ATRNL1: variants seen among roughly 807,000 people sequenced by gnomAD.
The protein encoded by ATRNL1 is attractin-like protein 1.
Under a neutral mutation model 182.7 loss-of-function variants are expected in ATRNL1, and 95 were observed. That is an observed-to-expected ratio of 0.52 (90% CI 0.44 to 0.62). The LOEUF is 0.62. Among genes scored for constraint, ATRNL1 ranks in the 20% least tolerant of loss-of-function variants. The pLI is 0.00. For missense variants in ATRNL1, 1,471 were observed against 1,679.5 expected, an observed-to-expected ratio of 0.88 and a Z score of 2.17; for synonymous variants, 576 against 568.3, an observed-to-expected ratio of 1.01 and a Z score of -0.19.
chr10:115,719,120 T>A (rs556429511), intron 26 of ATRNL1, among the ~76,000 whole-genome samples: 4 of 152,264 alleles, frequency 2.6e-5, no homozygotes, highest in African/African-American at 9.6e-5. Flanking sequence ...AAAACAAAAT[T>A]TTTCCTAGAA....
intron 27 of ATRNL1, among the ~76,000 whole-genome samples, chr10:115,806,887 C>G (rs1949931593): frequency 6.6e-6 from 1 of 152,146 alleles, no homozygotes; most frequent in East Asian, 1.9e-4. Context: ...AAGTACTACA[C>G]AGGCATTAAC....
At chr10:115,832,229 A>C (rs782820096) in intron 27 of ATRNL1, among the ~76,000 whole-genome samples, 8 of 152,196 alleles carry the variant, frequency 5.3e-5, no homozygotes, top group Non-Finnish European at 8.8e-5. Flanking sequence ...TAGCCAAGGT[A>C]AAATAGGGAG....
intron 27 of ATRNL1, among the ~76,000 whole-genome samples, chr10:115,734,189 GA>G (rs34437516): frequency 0.47 from 70,861 of 151,534 alleles, 18,141 homozygotes; most frequent in East Asian, 0.69. Flanking sequence ...CTTACTTTAT[GA>G]AAAAAAACCT....
At chr10:115,780,163 A>C (rs1415550339) in intron 27 of ATRNL1, among the ~76,000 whole-genome samples, 2 of 152,180 alleles carry the variant, frequency 1.3e-5, no homozygotes, top group African/African-American at 2.4e-5. Context: ...GAGGGAGAGC[A>C]CAGTGATTGT....
At chr10:115,888,971 A>G (rs940581388) in intron 28 of ATRNL1, among the ~76,000 whole-genome samples, 7 of 152,220 alleles carry the variant, frequency 4.6e-5, no homozygotes, top group Non-Finnish European at 1.0e-4. Flanking sequence ...AGTCCCCTAC[A>G]TACCCAGGAG....
chr10:115,325,581 G>A (rs930269052), intron 18 of ATRNL1, among the ~76,000 whole-genome samples: 1 of 152,154 alleles, frequency 6.6e-6, no homozygotes, highest in Admixed American at 6.5e-5. Flanking sequence ...TATAGACCAT[G>A]TCAGGCTTCC....
intron 1 of ATRNL1, among the ~76,000 whole-genome samples, chr10:115,109,900 G>A (rs1199493361): frequency 6.6e-6 from 1 of 151,976 alleles, no homozygotes; most frequent in Non-Finnish European, 1.5e-5. Flanking sequence ...TTTAGAGAGT[G>A]GTACAACCAT....
rs576007894 is a variant in ATRNL1, at chr10:115,478,012, A to G, written c.3654+8683A>G. The stretch of plus-strand genomic sequence containing the variant: ...AAGAACACGGGTTCTAAGTCAAACT[A>G]CTACCTCAATTTGAAATTCTTAAAT... On this transcript the variant is annotated intron_variant, in intron 24 of 28. Transcript: ENST00000355044. 3.8e-4 allele frequency among the ~76,000 whole-genome samples: 57 copies of G among 151,808 alleles called. No individual in the cohort carries two copies. The South Asian group carries it at 6.2e-3, about 17-fold the overall frequency.
intron 5 of ATRNL1, among the ~76,000 whole-genome samples, chr10:115,143,977 T>C (rs564647470): frequency 1.3e-5 from 2 of 150,196 alleles, no homozygotes; most frequent in East Asian, 3.9e-4. Flanking sequence ...AGAATTTTTT[T>C]TGTTTCTTTT....
rs371543506 is a variant in ATRNL1, at chr10:115,408,431, T to G, written c.3269+13679T>G. 7.7e-4 allele frequency among the ~76,000 whole-genome samples: 117 copies of G among 152,376 alleles called. 2 individuals carry two copies. The South Asian group carries it at 0.024, about 31-fold the overall frequency. On this transcript the variant is annotated intron_variant, in intron 20 of 28. Transcript: ENST00000355044. ...CCATTTTACAATTAGATCGTTTGTT[T>G]TCTTGCTGTTGCAATGTTTGAGTTC... is the stretch of plus-strand genomic sequence containing the variant.
At chr10:115,276,690 T>C (rs192634237) in intron 13 of ATRNL1, among the ~76,000 whole-genome samples, 333 of 152,332 alleles carry the variant, frequency 2.2e-3, no homozygotes, top group Middle Eastern at 3.4e-3. Flanking sequence ...TCACATATTT[T>C]CATTTACAAT....
intron 21 of ATRNL1, among the ~76,000 whole-genome samples, chr10:115,443,240 C>T (rs924736298): frequency 2.0e-5 from 3 of 151,768 alleles, no homozygotes; most frequent in Admixed American, 1.3e-4. Flanking sequence ...TATAGTGATG[C>T]CATTAATGAC....
intron 9 of ATRNL1, among the ~76,000 whole-genome samples, chr10:115,217,093 AATTT>A (rs1241573089): frequency 6.6e-6 from 1 of 151,902 alleles, no homozygotes; most frequent in Non-Finnish European, 1.5e-5. Flanking sequence ...AATTTAATTT[AATTT>A]ATTTATTTGA....
chr10:115,609,064 A>C (rs560818354), intron 26 of ATRNL1, among the ~76,000 whole-genome samples: 1 of 152,152 alleles, frequency 6.6e-6, no homozygotes, highest in African/African-American at 2.4e-5. Context: ...AAATATTATA[A>C]GTTAAGTTGA....
intron 28 of ATRNL1, among the ~76,000 whole-genome samples, chr10:115,910,655 A>G (rs1001534788): frequency 1.3e-5 from 2 of 152,152 alleles, no homozygotes; most frequent in African/African-American, 4.8e-5. Context: ...GAATTTTCCT[A>G]CAGACTTCTC....
chr10:115,769,717 T>G (rs1948941118), intron 27 of ATRNL1, among the ~76,000 whole-genome samples: 1 of 152,146 alleles, frequency 6.6e-6, no homozygotes. Context: ...TGAATTTAGT[T>G]TCCTTGACAA....
chr10:115,352,959 T>C (rs1328622282), intron 19 of ATRNL1, among the ~76,000 whole-genome samples: 4 of 152,162 alleles, frequency 2.6e-5, no homozygotes, highest in Non-Finnish European at 2.9e-5. Flanking sequence ...TGTAATACTT[T>C]GTTGAGACTA....
chr10:115,123,676 C>T (rs1421183467), intron 3 of ATRNL1, among the ~76,000 whole-genome samples: 1 of 152,094 alleles, frequency 6.6e-6, no homozygotes, highest in East Asian at 1.9e-4. Flanking sequence ...ACCCCAGATC[C>T]CCGTACCAGT....
intron 5 of ATRNL1, among the ~76,000 whole-genome samples, chr10:115,152,701 T>G (rs1370143526): frequency 1.3e-5 from 2 of 152,190 alleles, no homozygotes; most frequent in Non-Finnish European, 2.9e-5. Flanking sequence ...TTGAATACCC[T>G]CTATTTCTTT....
Sources: gnomAD v4.1 joint callset for allele counts (sites outside exome capture counted in the v4.1 genomes callset) on GRCh38, gnomAD v4.1.1 for gene constraint, MANE v1.5 for transcripts, NCBI Gene and HGNC (gene_info 2026-07-23, HGNC 2026-07-21) for gene names.